CALN1: variants seen among roughly 807,000 people sequenced by gnomAD.
The protein encoded by CALN1 is calcium-binding protein 8.
A neutral mutation model predicts 30.6 loss-of-function variants in CALN1; 17 were observed. The ratio of observed to expected loss-of-function variants is 0.56; its 90% CI spans 0.38 to 0.83. The LOEUF (loss-of-function observed/expected upper bound fraction) is 0.83, where lower values mean the gene tolerates loss of function less well. Among genes scored for constraint, CALN1 ranks in the 40% least tolerant of loss-of-function variants. CALN1 has a pLI of 0.00. For synonymous variants in CALN1, 156 were observed against 131.4 expected, an observed-to-expected ratio of 1.19 and a Z score of -1.28; for missense variants, 291 against 354.9, an observed-to-expected ratio of 0.82 and a Z score of 1.45.
intron 4 of CALN1, among the ~76,000 whole-genome samples, chr7:72,063,209 G>A (rs991109241): frequency 2.6e-5 from 4 of 152,132 alleles, no homozygotes; most frequent in South Asian, 2.1e-4. Context: ...AAAATTCACA[G>A]AACGGTACAC....
At chr7:72,182,852 T>C (rs1789917624) in intron 3 of CALN1, among the ~76,000 whole-genome samples, 1 of 151,494 alleles carries the variant, frequency 6.6e-6, no homozygotes, top group Non-Finnish European at 1.5e-5. Flanking sequence ...GTGACAATTA[T>C]ATGGACAACT....
chr7:72,044,755 G>A (rs925947076), intron 4 of CALN1, among the ~76,000 whole-genome samples: 2 of 151,662 alleles, frequency 1.3e-5, no homozygotes, highest in African/African-American at 4.8e-5. Flanking sequence ...AGGACTACAG[G>A]GGTGCGCCAC....
intron 4 of CALN1, among the ~76,000 whole-genome samples, chr7:72,033,687 G>A (rs1454777678): frequency 6.6e-6 from 1 of 152,204 alleles, no homozygotes; most frequent in Non-Finnish European, 1.5e-5. Flanking sequence ...CTGGATAGAG[G>A]ATCCCCATAG....
At position 71,828,291 on chromosome 7, in the gene CALN1, C is replaced by T. The variant is rs551690072; in HGVS notation, c.502-17799G>A. Among the ~76,000 whole-genome samples, 10 of 152,162 alleles carry T rather than the reference C, an allele frequency of 6.6e-5. No individual in the cohort carries two copies. In the South Asian group the frequency reaches 1.9e-3, roughly 28 times the overall value. On this transcript the variant is annotated intron_variant, in intron 5 of 6. Transcript: ENST00000395275. ...CTCCAGAGAATATAGTTCACTCTGCCCTCAAAGAAATGGGTTTTGTGATAA... is the reference window on the plus strand; with the variant it reads ...CTCCAGAGAATATAGTTCACTCTGCTCTCAAAGAAATGGGTTTTGTGATAA...
chr7:72,407,381 C>T lies in CALN1; in HGVS notation c.-73-3939G>A, dbSNP rs79740942. 8.3e-3 allele frequency among the ~76,000 whole-genome samples: 1,260 copies of T among 152,350 alleles called. 30 individuals carry two copies. The highest frequency in any genetic ancestry group is 0.048 in the East Asian group (248 of 5,186). On this transcript the variant is annotated intron_variant, in intron 1 of 6. Transcript: ENST00000395275. ...GTCCCCACCCAAATCTCATGTCAAA[C>T]TGTAATCCCCAATGTTGGAGGTGGG... is the stretch of plus-strand genomic sequence containing the variant.
intron 5 of CALN1, among the ~76,000 whole-genome samples, chr7:71,934,208 G>T (rs1333778368): frequency 6.6e-6 from 1 of 152,124 alleles, no homozygotes; most frequent in Non-Finnish European, 1.5e-5. Context: ...AATTCTCAAA[G>T]AAAGATAATA....
chr7:71,789,737 T>G (rs987708905), intron 6 of CALN1, among the ~76,000 whole-genome samples: 3 of 152,084 alleles, frequency 2.0e-5, no homozygotes, highest in African/African-American at 7.2e-5. Context: ...ATAACGCCCA[T>G]GAGAAACCAT....
intron 5 of CALN1, among the ~76,000 whole-genome samples, chr7:71,831,621 C>T (rs930574689): frequency 4.6e-5 from 7 of 151,760 alleles, no homozygotes; most frequent in Admixed American, 6.6e-5. Flanking sequence ...CGTTGTGGTT[C>T]GCATCTATAA....
chr7:71,928,063 G>A (rs183450202), intron 5 of CALN1, among the ~76,000 whole-genome samples: 67 of 152,294 alleles, frequency 4.4e-4, no homozygotes, highest in African/African-American at 1.6e-3. Flanking sequence ...TGACCTTGGT[G>A]AGAATCTGTG....
At chr7:71,798,598 G>A (rs939090538) in intron 6 of CALN1, among the ~76,000 whole-genome samples, 12 of 149,624 alleles carry the variant, frequency 8.0e-5, no homozygotes, top group East Asian at 2.0e-4. Flanking sequence ...GAGCCACCAC[G>A]CCTGGCTGGT....
intron 4 of CALN1, among the ~76,000 whole-genome samples, chr7:72,053,336 GACACTCTGAAATT>G (rs1802961628): frequency 6.6e-6 from 1 of 152,210 alleles, no homozygotes; most frequent in Non-Finnish European, 1.5e-5. Flanking sequence ...CAGATTCATA[GACACTCTGAAATT>G]ACCGGCTGGT....
intron 2 of CALN1, among the ~76,000 whole-genome samples, chr7:72,320,195 G>A (rs1429707313): frequency 2.0e-5 from 3 of 152,162 alleles, no homozygotes; most frequent in Non-Finnish European, 4.4e-5. Context: ...CAGGCAAGCA[G>A]GCAGAGAGGG....
intron 5 of CALN1, among the ~76,000 whole-genome samples, chr7:71,814,834 CTTT>C (rs201392659): frequency 1.8e-4 from 25 of 142,216 alleles, no homozygotes; most frequent in East Asian, 1.1e-3. Flanking sequence ...AGTTAATCAA[CTTT>C]TTTTTTTTTT....
intron 5 of CALN1, among the ~76,000 whole-genome samples, chr7:71,834,115 G>C (rs193147156): frequency 6.6e-6 from 1 of 150,404 alleles, no homozygotes; most frequent in East Asian, 2.0e-4. Flanking sequence ...CCAGCTACTC[G>C]GGAGGCCGAG....
chr7:71,831,516 C>A (rs1789274027), intron 5 of CALN1, among the ~76,000 whole-genome samples: 1 of 151,876 alleles, frequency 6.6e-6, no homozygotes. Context: ...ATATGAATAG[C>A]AATAATATGA....
chr7:71,998,347 C>A, intron 5 of CALN1, among the ~76,000 whole-genome samples: 1 of 152,126 alleles, frequency 6.6e-6, no homozygotes, highest in South Asian at 2.1e-4. Flanking sequence ...TGGGTACATA[C>A]AATAGACTAT....
At chr7:72,489,012 G>C in the CALN1 span, among the ~76,000 whole-genome samples, 1 of 152,150 alleles carries the variant, frequency 6.6e-6, no homozygotes, top group Non-Finnish European at 1.5e-5. Context: ...AGTCAAGATA[G>C]ATATGGTAAA....
intron 3 of CALN1, among the ~76,000 whole-genome samples, chr7:72,271,575 A>AAAAAAAAAAAAATATATATAT: frequency 1.7e-4 from 9 of 52,120 alleles, no homozygotes; most frequent in African/African-American, 1.2e-3. Flanking sequence ...AAAAAAAAAA[A>AAAAAAAAAAAAATATATATAT]ATATATATAT....
the CALN1 span, among the ~76,000 whole-genome samples, chr7:72,470,610 T>A: frequency 6.6e-6 from 1 of 152,198 alleles, no homozygotes; most frequent in African/African-American, 2.4e-5. Flanking sequence ...ATTTTTCTTT[T>A]CTATGTCCTT....
Sources: allele counts gnomAD v4.1 joint callset (sites outside exome capture counted in the v4.1 genomes callset), GRCh38; gene constraint gnomAD v4.1.1; transcripts MANE v1.5; gene names NCBI Gene and HGNC (gene_info 2026-07-23, HGNC 2026-07-21).